SORCS2: variants seen among roughly 807,000 people sequenced by gnomAD.
The protein encoded by SORCS2 is VPS10 domain-containing receptor SorCS2.
SORCS2 carries 100 observed loss-of-function variants against 141.6 expected under a neutral mutation model. The ratio of observed to expected loss-of-function variants is 0.71; its 90% confidence interval spans 0.60 to 0.83. The LOEUF is 0.83. Among genes scored for constraint, SORCS2 ranks in the 40% least tolerant of loss-of-function variants. The pLI, the probability that SORCS2 is intolerant of heterozygous loss-of-function variation, is 0.00. For missense variants in SORCS2, 1,646 were observed against 1,560.2 expected, an observed-to-expected ratio of 1.05 and a Z score of -0.93; for synonymous variants, 789 against 676.9, an observed-to-expected ratio of 1.17 and a Z score of -2.57.
rs530303267 is a variant in SORCS2, at chr4:7,216,545, C to T, written c.480+23419C>T. Reference sequence around the variant, plus strand: ...CAGTGGGACTGGCTCCTTCAGGAGGCTCCAGGGGAGATTGCCTGTCTTTGC... The same window carrying T: ...CAGTGGGACTGGCTCCTTCAGGAGGTTCCAGGGGAGATTGCCTGTCTTTGC... On this transcript the variant is annotated intron_variant, in intron 1 of 26. Coordinates refer to ENST00000507866, the MANE Select transcript of SORCS2 (RefSeq NM_020777.3). 2.1e-4 allele frequency among the ~76,000 whole-genome samples: 32 copies of T among 152,262 alleles called. No homozygotes were observed. In the East Asian group the frequency reaches 5.8e-3, roughly 28 times the overall value.
chr4:7,531,130 C>A (rs1275535059), intron 2 of SORCS2, among the ~76,000 whole-genome samples: 1 of 152,210 alleles, frequency 6.6e-6, no homozygotes, highest in Non-Finnish European at 1.5e-5. Context: ...CCTGAGTCAG[C>A]CACTTATTAA....
At chr4:7,692,106 T>C (rs1203983511) in intron 11 of SORCS2, among the ~76,000 whole-genome samples, 2 of 152,196 alleles carry the variant, frequency 1.3e-5, no homozygotes, top group African/African-American at 2.4e-5. Flanking sequence ...GGTGGGCCAA[T>C]TGATGTGTCC....
intron 2 of SORCS2, among the ~76,000 whole-genome samples, chr4:7,508,954 G>GT (rs200293962): frequency 0.023 from 3,499 of 152,336 alleles, 136 homozygotes; most frequent in African/African-American, 0.08. Flanking sequence ...GGGGACAAGG[G>GT]TGGCTCGGGA....
chr4:7,275,962 T>C (rs190001543), intron 1 of SORCS2, among the ~76,000 whole-genome samples: 198 of 152,314 alleles, frequency 1.3e-3, no homozygotes, highest in African/African-American at 4.5e-3. Context: ...GGCAAGTGCC[T>C]GGACCGAGGC....
At chr4:7,667,487 G>T (rs34808199) in intron 8 of SORCS2, among the ~76,000 whole-genome samples, 8,371 of 152,208 alleles carry the variant, frequency 0.055, 273 homozygotes, top group African/African-American at 0.086. Context: ...TTGCACATGT[G>T]GTATTTGAGG....
intron 3 of SORCS2, among the ~76,000 whole-genome samples, chr4:7,581,696 C>T (rs1329498854): frequency 6.6e-6 from 1 of 152,168 alleles, no homozygotes. Context: ...CCTAGCTACG[C>T]CTCTCAGGTT....
chr4:7,264,912 T>C (rs1714619152), intron 1 of SORCS2, among the ~76,000 whole-genome samples: 1 of 152,224 alleles, frequency 6.6e-6, no homozygotes, highest in South Asian at 2.1e-4. Context: ...AGCCTGAAGC[T>C]GCTCATTCCC....
chr4:7,415,923 G>A (rs757726617), intron 2 of SORCS2, among the ~76,000 whole-genome samples: 13 of 152,360 alleles, frequency 8.5e-5, no homozygotes, highest in Admixed American at 1.3e-4. Flanking sequence ...TTTCAGAGGA[G>A]ATGATGTCTG....
chr4:7,521,396 C>T (rs1007337387), intron 2 of SORCS2, among the ~76,000 whole-genome samples: 3 of 152,144 alleles, frequency 2.0e-5, no homozygotes, highest in African/African-American at 7.2e-5. Context: ...ACCTCGCTGG[C>T]GCCTGATGCC....
chr4:7,293,153 A>T (rs1354225691), intron 1 of SORCS2, among the ~76,000 whole-genome samples: 3 of 152,018 alleles, frequency 2.0e-5, no homozygotes, highest in Non-Finnish European at 2.9e-5. Flanking sequence ...AAATACAAAA[A>T]ATTAGCCAGG....
chr4:7,487,288 T>TGAA (rs1731047236), intron 2 of SORCS2, among the ~76,000 whole-genome samples: 1 of 152,230 alleles, frequency 6.6e-6, no homozygotes, highest in Non-Finnish European at 1.5e-5. Flanking sequence ...AAGCTGTCTG[T>TGAA]TACATTCCCT....
chr4:7,478,348 CTT>C (rs1437234254), intron 2 of SORCS2, among the ~76,000 whole-genome samples: 2 of 152,138 alleles, frequency 1.3e-5, no homozygotes, highest in Non-Finnish European at 2.9e-5. Context: ...TCCTCCAGGG[CTT>C]TGTTGAAATG....
At chr4:7,330,398 A>G (rs1429444437) in intron 1 of SORCS2, among the ~76,000 whole-genome samples, 1 of 151,968 alleles carries the variant, frequency 6.6e-6, no homozygotes, top group Non-Finnish European at 1.5e-5. Flanking sequence ...CTGTGCCCAA[A>G]GGTGCCTGCG....
At chr4:7,561,618 G>A (rs9654058) in intron 3 of SORCS2, among the ~76,000 whole-genome samples, 57,070 of 145,154 alleles carry the variant, frequency 0.39, 12,584 homozygotes, top group African/African-American at 0.6. Context: ...CTACCCATCC[G>A]TCTATCTACC....
At chr4:7,223,308 C>A (rs1207972862) in intron 1 of SORCS2, among the ~76,000 whole-genome samples, 1 of 151,962 alleles carries the variant, frequency 6.6e-6, no homozygotes, top group Non-Finnish European at 1.5e-5. Context: ...CACACACACA[C>A]ACACACACAC....
intron 2 of SORCS2, among the ~76,000 whole-genome samples, chr4:7,429,417 A>C (rs1188301048): frequency 6.6e-6 from 1 of 152,256 alleles, no homozygotes; most frequent in Non-Finnish European, 1.5e-5. Context: ...TGAGGAAGAC[A>C]TGAAGAAAAC....
At chr4:7,392,906 G>C (rs113863351) in intron 1 of SORCS2, among the ~76,000 whole-genome samples, 7 of 150,004 alleles carry the variant, frequency 4.7e-5, no homozygotes, top group Non-Finnish European at 1.0e-4. Context: ...GTCGGGGGGG[G>C]GGGGGTGCTG....
At chr4:7,270,613 C>A (rs1281206231) in intron 1 of SORCS2, among the ~76,000 whole-genome samples, 1 of 152,212 alleles carries the variant, frequency 6.6e-6, no homozygotes, top group African/African-American at 2.4e-5. Context: ...TTGCTTAGAA[C>A]ACTTAACCTA....
rs74768064 is a variant in SORCS2, at chr4:7,575,625, A to G, written c.648+43996A>G. On this transcript the variant is annotated intron_variant, in intron 3 of 26. Transcript: ENST00000507866. ...AGTTTTTAAAATTAAATTTAAATTA[A>G]TTGAAACTAGAATGGTAGTACCCCA... is the stretch of plus-strand genomic sequence containing the variant. Among the ~76,000 whole-genome samples the G allele has an allele frequency of 6.4e-3, 978 of 152,358 alleles. 13 individuals carry two copies. The highest frequency in any genetic ancestry group is 0.023 in the African/African-American group (937 of 41,580).
Sources: allele counts gnomAD v4.1 joint callset (sites outside exome capture counted in the v4.1 genomes callset), GRCh38; gene constraint gnomAD v4.1.1; transcripts MANE v1.5; gene names NCBI Gene and HGNC (gene_info 2026-07-23, HGNC 2026-07-21).